The following CPEB3 variants were observed in gnomAD, a reference collection of about 807,000 sequenced individuals.
CPEB3 encodes the protein cytoplasmic polyadenylation element-binding protein 3.
In CPEB3, 20 loss-of-function variants were observed where a neutral mutation model predicts 67.2. The ratio of observed to expected loss-of-function variants is 0.30; its 90% confidence interval spans 0.21 to 0.43. The LOEUF is 0.43. CPEB3 is among the 20% of genes least tolerant of loss of function. The pLI is 1.00. For synonymous variants in CPEB3, 376 were observed against 393.1 expected, an observed-to-expected ratio of 0.96 and a Z score of 0.51; for missense variants, 746 against 968.6, an observed-to-expected ratio of 0.77 and a Z score of 3.05.
chr10:92,092,844 T>A (rs1031704087), intron 7 of CPEB3, among the ~76,000 whole-genome samples: 1 of 152,138 alleles, frequency 6.6e-6, no homozygotes, highest in African/African-American at 2.4e-5. Flanking sequence ...TGAGGCTGGT[T>A]AAATAAAGGC....
chr10:92,065,741 C>T (rs2134349266), intron 9 of CPEB3, among the ~76,000 whole-genome samples: 1 of 152,148 alleles, frequency 6.6e-6, no homozygotes, highest in South Asian at 2.1e-4. Context: ...AACATGAGCC[C>T]TTTTAGAATC....
At chr10:92,091,385 A>C (rs1244458686) in intron 8 of CPEB3, among the ~76,000 whole-genome samples, 3 of 152,132 alleles carry the variant, frequency 2.0e-5, no homozygotes, top group African/African-American at 7.2e-5. Flanking sequence ...TCAGTTCAAC[A>C]ACACTTCAAA....
intron 5 of CPEB3, 88 bp downstream of exon 5, chr10:92,144,857 C>A: frequency 8.2e-7 from 1 of 1,221,998 alleles, no homozygotes; most frequent in South Asian, 1.3e-5. Context: ...TATAGATGTC[C>A]TAAAGTTGAC....
chr10:92,153,869 C>T (rs984637964), intron 4 of CPEB3, among the ~76,000 whole-genome samples: 5 of 152,280 alleles, frequency 3.3e-5, no homozygotes, highest in African/African-American at 4.8e-5. Context: ...AAAACTCATA[C>T]TCATGTAAAT....
chr10:92,217,631 A>G (rs979204526), intron 2 of CPEB3, among the ~76,000 whole-genome samples: 1 of 151,946 alleles, frequency 6.6e-6, no homozygotes, highest in Non-Finnish European at 1.5e-5. Context: ...GCGTGGTGGC[A>G]CATGCCTGTA....
chr10:92,283,075 AC>A (rs886847684), intron 1 of CPEB3, among the ~76,000 whole-genome samples: 1 of 152,044 alleles, frequency 6.6e-6, no homozygotes, highest in African/African-American at 2.4e-5. Context: ...ACATGGCGAA[AC>A]CCTGTCTCTA....
chr10:92,066,458 C>T (rs1007737422), intron 9 of CPEB3, among the ~76,000 whole-genome samples: 1 of 152,094 alleles, frequency 6.6e-6, no homozygotes, highest in Non-Finnish European at 1.5e-5. Context: ...GTATAAATGT[C>T]CCTGTTTTCA....
intron 7 of CPEB3, among the ~76,000 whole-genome samples, chr10:92,104,944 A>G (rs1844372658): frequency 6.6e-6 from 1 of 151,942 alleles, no homozygotes; most frequent in East Asian, 1.9e-4. Context: ...GCTGTTGCCT[A>G]TGCTGGAGTG....
intron 2 of CPEB3, among the ~76,000 whole-genome samples, chr10:92,223,567 CTTTTTTTT>C (rs903904452): frequency 5.6e-4 from 47 of 84,198 alleles, no homozygotes; most frequent in African/African-American, 1.5e-3. Context: ...CTAATTATTT[CTTTTTTTT>C]TTTTTTTTTT....
chr10:92,251,538 G>GT (rs1036730236), intron 1 of CPEB3, among the ~76,000 whole-genome samples: 1 of 152,066 alleles, frequency 6.6e-6, no homozygotes, highest in African/African-American at 2.4e-5. Flanking sequence ...TCCAAAAACA[G>GT]TAACAGTAAT....
intron 1 of CPEB3, among the ~76,000 whole-genome samples, chr10:92,277,784 G>A (rs1281688945): frequency 1.3e-5 from 2 of 151,584 alleles, no homozygotes; most frequent in Admixed American, 6.6e-5. Flanking sequence ...CCAGCTACTC[G>A]GGAGGCTGAG....
intron 9 of CPEB3, among the ~76,000 whole-genome samples, chr10:92,053,877 G>T (rs554682789): frequency 1.3e-5 from 2 of 151,846 alleles, no homozygotes; most frequent in African/African-American, 4.8e-5. Flanking sequence ...GTAGAAACGG[G>T]GTTTCACCAT....
chr10:92,109,438 G>A (rs11186828), intron 7 of CPEB3, among the ~76,000 whole-genome samples: 21,468 of 151,924 alleles, frequency 0.14, 1,821 homozygotes, highest in African/African-American at 0.22. Context: ...ATTTTTAGTA[G>A]AGAAGGGGTT....
Position 92,049,745 on chromosome 10 carries a change from CTCAG to C in CPEB3, c.*2463_*2466del, listed in dbSNP as rs978265067. On this transcript the variant is annotated 3_prime_UTR_variant, in exon 10 of 10. Transcript: ENST00000265997. ...ACAATCTTCCAGCTTTTAAAAAAAT[CTCAG>C]TGTTATTTTAATACATGAAAGAGGG... The C allele has an allele frequency of 6.6e-6, 1 of 152,502 alleles. No homozygotes were observed. Among genetic ancestry groups the C allele is most frequent in the Non-Finnish European group, 1.5e-5 (1 of 68,008 alleles). 9.4% of individuals were successfully genotyped at this position (152,502 alleles called of 1,614,324 possible). A position where few individuals can be genotyped will look rare whatever the true frequency, so the allele number is the denominator to read the frequency against.
At chr10:92,078,618 T>C (rs1467254157) in intron 9 of CPEB3, among the ~76,000 whole-genome samples, 2 of 152,172 alleles carry the variant, frequency 1.3e-5, no homozygotes, top group East Asian at 1.9e-4. Flanking sequence ...TACTCTGAGA[T>C]ATAAACAGTA....
chr10:92,259,167 T>G (rs967338606), intron 1 of CPEB3, among the ~76,000 whole-genome samples: 11 of 151,436 alleles, frequency 7.3e-5, no homozygotes, highest in African/African-American at 2.7e-4. Context: ...TTCACCATGT[T>G]GGCCAGGCTG....
chr10:92,181,392 A>C (rs1848455888), intron 3 of CPEB3, among the ~76,000 whole-genome samples: 1 of 138,554 alleles, frequency 7.2e-6, no homozygotes, highest in Non-Finnish European at 1.6e-5. Context: ...AAAAAAAAAT[A>C]GATTCAAACA....
intron 1 of CPEB3, among the ~76,000 whole-genome samples, chr10:92,258,841 T>C (rs1852661027): frequency 6.6e-6 from 1 of 151,410 alleles, no homozygotes; most frequent in Non-Finnish European, 1.5e-5. Flanking sequence ...GTATTTTTAG[T>C]AGAGATGGGG....
At chr10:92,061,441 A>AAAC (rs1554878088) in intron 9 of CPEB3, among the ~76,000 whole-genome samples, 4 of 140,746 alleles carry the variant, frequency 2.8e-5, no homozygotes, top group Non-Finnish European at 6.1e-5. Context: ...AAAAAAAAAA[A>AAAC]AACATATGAA....
Sources: gnomAD v4.1 joint callset for allele counts (sites outside exome capture counted in the v4.1 genomes callset) on GRCh38, gnomAD v4.1.1 for gene constraint, MANE v1.5 for transcripts, NCBI Gene and HGNC (gene_info 2026-07-23, HGNC 2026-07-21) for gene names.